Variants in KCNH5 observed in about 807,000 individuals in gnomAD.
KCNH5 encodes voltage-gated delayed rectifier potassium channel KCNH5.
Under a neutral mutation model 96.1 loss-of-function variants are expected in KCNH5, and 46 were observed. The observed-to-expected ratio is 0.48, with a 90% CI of 0.38 to 0.61. KCNH5 has a LOEUF of 0.61. KCNH5 is among the 20% of genes least tolerant of loss of function. The pLI, the probability that KCNH5 is intolerant of heterozygous loss-of-function variation, is 0.00. For synonymous variants in KCNH5, 439 were observed against 449.8 expected (o/e 0.98, Z 0.30); for missense variants, 907 against 1,225.8 (o/e 0.74, Z 3.88).
At chr14:62,998,444 C>T (rs1890950868) in intron 4 of KCNH5, among the ~76,000 whole-genome samples, 1 of 152,108 alleles carries the variant, frequency 6.6e-6, no homozygotes, top group African/African-American at 2.4e-5. Flanking sequence ...TGTCCTGTTG[C>T]CCAGTTCATT....
intron 7 of KCNH5, among the ~76,000 whole-genome samples, chr14:62,921,779 C>A (rs981040684): frequency 6.6e-6 from 1 of 152,026 alleles, no homozygotes; most frequent in Non-Finnish European, 1.5e-5. Context: ...TAGTTATGAC[C>A]TGATTTCACA....
chr14:62,941,499 G>T (rs1473306904), intron 7 of KCNH5, among the ~76,000 whole-genome samples: 1 of 152,016 alleles, frequency 6.6e-6, no homozygotes, highest in Admixed American at 6.6e-5. Flanking sequence ...TGAACTTGGG[G>T]CTCCATAAAA....
At chr14:63,002,778 G>A (rs1001121352) in intron 3 of KCNH5, among the ~76,000 whole-genome samples, 11 of 152,202 alleles carry the variant, frequency 7.2e-5, no homozygotes, top group Admixed American at 2.6e-4. Context: ...GTGACAATCA[G>A]GTTTTCTGCA....
chr14:62,987,314 A>C, intron 4 of KCNH5, 127 bp from the exon 5 acceptor site: 1 of 672,556 alleles, frequency 1.5e-6, no homozygotes, highest in Non-Finnish European at 2.6e-6. Context: ...TATCAAACAA[A>C]AGTATTTTCT....
At chr14:62,912,641 A>C (rs2140102014) in intron 7 of KCNH5, among the ~76,000 whole-genome samples, 1 of 152,222 alleles carries the variant, frequency 6.6e-6, no homozygotes, top group Admixed American at 6.5e-5. Flanking sequence ...CCTGACCTCA[A>C]GCAATCCGCC....
chr14:62,979,390 T>A (rs952048799), intron 6 of KCNH5, among the ~76,000 whole-genome samples: 1 of 152,090 alleles, frequency 6.6e-6, no homozygotes, highest in African/African-American at 2.4e-5. Context: ...AATAATTACA[T>A]ACACAATATC....
intron 10 of KCNH5, among the ~76,000 whole-genome samples, chr14:62,741,056 A>G (rs1885261272): frequency 6.6e-6 from 1 of 152,178 alleles, no homozygotes; most frequent in Non-Finnish European, 1.5e-5. Flanking sequence ...TGTAAAAGAT[A>G]TCCCTCTCAC....
rs1369516442 is a variant in KCNH5, at chr14:62,840,752, TAG to T, written c.1569+8899_1569+8900del. Among the ~76,000 whole-genome samples, 5 of 151,834 alleles carry T rather than the reference TAG, an allele frequency of 3.3e-5. No individual in the cohort carries two copies. The East Asian group carries it at 5.8e-4, about 18-fold the overall frequency. Reference sequence around the variant, plus strand: ...ATCCAGCTAATTTTTGTATTTTTAGTAGAGACAGGGTTTCACCATGTTGTCCA... The same window carrying T: ...ATCCAGCTAATTTTTGTATTTTTAGTAGACAGGGTTTCACCATGTTGTCCA... On this transcript the variant is annotated intron_variant, in intron 8 of 10. Coordinates refer to ENST00000322893, the MANE Select transcript of KCNH5 (RefSeq NM_139318.5).
intron 8 of KCNH5, among the ~76,000 whole-genome samples, chr14:62,842,961 G>A (rs1031531093): frequency 6.6e-6 from 1 of 152,030 alleles, no homozygotes; most frequent in African/African-American, 2.4e-5. Flanking sequence ...TAATCTTACT[G>A]TCAGGACCTG....
chr14:62,772,638 A>C (rs951184492), intron 10 of KCNH5, among the ~76,000 whole-genome samples: 14 of 332 alleles, frequency 0.042, no homozygotes, highest in Non-Finnish European at 0.14. Flanking sequence ...CTTTGTCTGA[A>C]AAAAAAAAAA....
intron 7 of KCNH5, among the ~76,000 whole-genome samples, chr14:62,932,985 G>A (rs910549607): frequency 1.3e-5 from 2 of 152,122 alleles, no homozygotes; most frequent in African/African-American, 4.8e-5. Context: ...TATAAGAGGT[G>A]TTCATTCAAA....
intron 5 of KCNH5, among the ~76,000 whole-genome samples, chr14:62,982,063 TCTGGAAC>T (rs1471584431): frequency 6.6e-6 from 1 of 152,112 alleles, no homozygotes; most frequent in African/African-American, 2.4e-5. Context: ...AGCATTGCCT[TCTGGAAC>T]CTGGAACCTG....
intron 10 of KCNH5, among the ~76,000 whole-genome samples, chr14:62,752,362 A>G (rs1272171411): frequency 6.6e-6 from 1 of 152,022 alleles, no homozygotes; most frequent in Non-Finnish European, 1.5e-5. Context: ...CAGCTTATGT[A>G]CCAGCTTGAA....
At chr14:62,992,897 T>A (rs1460908546) in intron 4 of KCNH5, among the ~76,000 whole-genome samples, 2 of 152,056 alleles carry the variant, frequency 1.3e-5, no homozygotes, top group African/African-American at 4.8e-5. Context: ...CCTACACCAA[T>A]GTCCAGAAGA....
At chr14:62,786,410 A>G (rs1161378584) in intron 9 of KCNH5, among the ~76,000 whole-genome samples, 2 of 152,110 alleles carry the variant, frequency 1.3e-5, no homozygotes. Context: ...TTTATTGTAT[A>G]TACTTGAGAT....
intron 4 of KCNH5, among the ~76,000 whole-genome samples, chr14:62,988,259 A>T (rs1890746953): frequency 6.6e-6 from 1 of 152,204 alleles, no homozygotes; most frequent in Non-Finnish European, 1.5e-5. Context: ...TATTAACACT[A>T]TCTGATAACT....
chr14:62,873,308 T>A (rs2140068469), intron 7 of KCNH5, among the ~76,000 whole-genome samples: 1 of 152,294 alleles, frequency 6.6e-6, no homozygotes, highest in Admixed American at 6.5e-5. Flanking sequence ...ATAATGATAA[T>A]TTAAAAATAG....
chr14:63,006,886 G>A (rs890332231), intron 2 of KCNH5, among the ~76,000 whole-genome samples: 1 of 152,144 alleles, frequency 6.6e-6, no homozygotes, highest in Non-Finnish European at 1.5e-5. Flanking sequence ...CTCAGTTCAC[G>A]CACAGACAGA....
intron 1 of KCNH5, among the ~76,000 whole-genome samples, chr14:63,034,974 T>C (rs1891695755): frequency 6.6e-6 from 1 of 152,184 alleles, no homozygotes; most frequent in Non-Finnish European, 1.5e-5. Flanking sequence ...ATTGCAATAA[T>C]GGCCTATTTG....
Sources: allele counts gnomAD v4.1 joint callset (sites outside exome capture counted in the v4.1 genomes callset), GRCh38; gene constraint gnomAD v4.1.1; transcripts MANE v1.5; gene names NCBI Gene and HGNC (gene_info 2026-07-23, HGNC 2026-07-21).